Variants in COL11A1 observed in about 807,000 individuals in gnomAD.
The protein encoded by COL11A1 is collagen type XI alpha 1 chain.
COL11A1 carries 74 observed loss-of-function variants against 265.2 expected under a neutral mutation model. The ratio of observed to expected loss-of-function variants is 0.28; its 90% CI spans 0.23 to 0.34. The LOEUF is 0.34. COL11A1 is among the 10% of genes least tolerant of loss of function. COL11A1 has a pLI of 1.00. For synonymous variants in COL11A1, 816 were observed against 727.6 expected, an observed-to-expected ratio of 1.12 and a Z score of -1.96; for missense variants, 2,165 against 2,263.6, an observed-to-expected ratio of 0.96 and a Z score of 0.88.
chr1:103,003,240 C>A lies in COL11A1; in HGVS notation c.1973G>T (p.Gly658Val), dbSNP rs1201613198. The change falls in exon 21 of 67, where the codon GGA (glycine) becomes GTA (valine). Residue 658 changes from glycine (G) to valine (V), a missense_variant. Physicochemically the swap from Gly to Val is moderately radical, Grantham distance 109 (BLOSUM62 -3). Transcript: ENST00000370096. ...AGGCTGCCCTGGAGCTCCTGGAGTT[C>A]CCCTTGGACCCAGCAAACCTCGTGG... ...AGPRGLLGPR[G>V]TPGAPGQPGM... 6.2e-7 allele frequency: 1 copy of A among 1,613,564 alleles called. No homozygotes were observed. The highest frequency in any genetic ancestry group is 1.1e-5 in the South Asian group (1 of 91,018).
At chr1:103,046,542 C>T (rs1167900899) in intron 4 of COL11A1, among the ~76,000 whole-genome samples, 1 of 150,730 alleles carries the variant, frequency 6.6e-6, no homozygotes, top group Non-Finnish European at 1.5e-5. Flanking sequence ...AAATTTTCTC[C>T]CATTCTGTAG....
At chr1:102,971,107 A>T (rs1036121462) in intron 36 of COL11A1, among the ~76,000 whole-genome samples, 1 of 152,170 alleles carries the variant, frequency 6.6e-6, no homozygotes, top group African/African-American at 2.4e-5. Flanking sequence ...AAGTAAAGGA[A>T]ACAATACGTT....
intron 24 of COL11A1, chr1:103,001,711 G>A: frequency 1.7e-6 from 1 of 599,610 alleles, no homozygotes; most frequent in South Asian, 2.3e-5. Context: ...TTTGGAAGCT[G>A]TTTAAATGGT....
chr1:102,975,714 A>T (rs1662402128), intron 35 of COL11A1, among the ~76,000 whole-genome samples: 1 of 152,188 alleles, frequency 6.6e-6, no homozygotes, highest in South Asian at 2.1e-4. Flanking sequence ...TTTATGAAAG[A>T]TAACATAAGT....
chr1:103,051,974 T>C (rs12064766), intron 4 of COL11A1, among the ~76,000 whole-genome samples: 9,338 of 152,224 alleles, frequency 0.061, 313 homozygotes, highest in Non-Finnish European at 0.077. Flanking sequence ...ATTTAAACAG[T>C]TTGTATATGT....
At chr1:103,026,462 A>C (rs548659290) in intron 5 of COL11A1, 130 bp from the exon 6 acceptor site, 1 of 701,608 alleles carries the variant, frequency 1.4e-6, no homozygotes, top group African/African-American at 1.8e-5. Flanking sequence ...TTGATGAGTT[A>C]TTTTTGTATT....
chr1:102,979,744 G>T (rs534041570), intron 31 of COL11A1: 52 of 383,948 alleles, frequency 1.4e-4, no homozygotes, highest in Admixed American at 2.0e-4. Flanking sequence ...AAAATGTATT[G>T]CAATGTAAAA....
chr1:102,939,022 G>A lies in COL11A1; in HGVS notation c.3438+13C>T. The A allele has an allele frequency of 6.2e-7, 1 of 1,611,202 alleles. No homozygotes were observed. Among genetic ancestry groups the A allele is most frequent in the Non-Finnish European group, 8.5e-7 (1 of 1,177,552 alleles). ...ATAAATAATGTTCTCTCAGTAAGAA[G>A]TAGGAAACTCACATTTTCTCCCTTG... On this transcript the variant is annotated intron_variant, in intron 44 of 66. Coordinates refer to ENST00000370096, the MANE Select transcript of COL11A1 (RefSeq NM_001854.4).
chr1:103,023,013 C>T lies in COL11A1; in HGVS notation c.991-17G>A, dbSNP rs778542982. 1.9e-6 allele frequency: 3 copies of T among 1,607,718 alleles called. No individual in the cohort carries two copies. Among genetic ancestry groups the T allele is most frequent in the South Asian group, 2.2e-5 (2 of 90,960 alleles). ...TGGATTTGGCTATTAATTTAAATTG[C>T]AAGGAATTGAGGAACATGAAGTTTA... On this transcript the variant is annotated splice_polypyrimidine_tract_variant and intron_variant, in intron 7 of 66. Transcript: ENST00000370096.
At chr1:103,048,966 G>A (rs965488744) in intron 4 of COL11A1, among the ~76,000 whole-genome samples, 1 of 152,188 alleles carries the variant, frequency 6.6e-6, no homozygotes, top group Admixed American at 6.5e-5. Flanking sequence ...CTGAGAGACA[G>A]TTTGGTATAA....
At chr1:102,957,189 A>G (rs979067328) in intron 41 of COL11A1, among the ~76,000 whole-genome samples, 109 of 152,184 alleles carry the variant, frequency 7.2e-4, no homozygotes, top group Middle Eastern at 3.4e-3. Context: ...GACTAAATGG[A>G]TTATAAATAA....
chr1:102,914,851 G>C (rs372732988), intron 50 of COL11A1, 40 bp from the exon 51 acceptor site: 1 of 1,475,024 alleles, frequency 6.8e-7, no homozygotes, highest in African/African-American at 1.4e-5. Flanking sequence ...AAGAAGGAAA[G>C]AAGAGTTATC....
intron 38 of COL11A1, among the ~76,000 whole-genome samples, chr1:102,964,765 T>C (rs1308024588): frequency 6.6e-6 from 1 of 152,166 alleles, no homozygotes; most frequent in Non-Finnish European, 1.5e-5. Context: ...TTTGTTATAA[T>C]TTGGTATTAG....
Position 102,937,187 on chromosome 1 carries a change from A to G in COL11A1, c.3438+1848T>C, listed in dbSNP as rs994314952. Among the ~76,000 whole-genome samples the G allele has an allele frequency of 1.3e-4, 20 of 152,274 alleles. No individual in the cohort carries two copies. The East Asian group carries it at 3.9e-3, about 29-fold the overall frequency. ...TTTCATTCATATGATAGTAACCCACATAGACAAAAGCTTTTTGGGCTCCTA... is the reference window on the plus strand; with the variant it reads ...TTTCATTCATATGATAGTAACCCACGTAGACAAAAGCTTTTTGGGCTCCTA... On this transcript the variant is annotated intron_variant, in intron 44 of 66. Coordinates refer to ENST00000370096, the MANE Select transcript of COL11A1 (RefSeq NM_001854.4).
chr1:103,099,150 TA>T (rs1674029609), intron 1 of COL11A1, among the ~76,000 whole-genome samples: 2 of 151,722 alleles, frequency 1.3e-5, no homozygotes, highest in Non-Finnish European at 3.0e-5. Context: ...CTAGATGAAA[TA>T]AATCAGATAA....
chr1:102,996,068 A>G lies in COL11A1; in HGVS notation c.2242-26T>C, dbSNP rs758992432. ...CTGAAATAGATGAATTACCACTTAT[A>G]CGTGTAATAAATTGAAAGTGCTACT... On this transcript the variant is annotated intron_variant, in intron 26 of 66. Transcript: ENST00000370096. 2.5e-6 allele frequency: 4 copies of G among 1,607,970 alleles called. No homozygotes were observed. In the East Asian group the frequency reaches 8.9e-5, roughly 36 times the overall value.
chr1:103,047,823 A>T (rs1015827096), intron 4 of COL11A1, among the ~76,000 whole-genome samples: 1 of 152,140 alleles, frequency 6.6e-6, no homozygotes, highest in African/African-American at 2.4e-5. Context: ...GGGTTGTTGA[A>T]TTTTGTCAAA....
intron 1 of COL11A1, among the ~76,000 whole-genome samples, chr1:103,103,831 C>T (rs1674486316): frequency 6.6e-6 from 1 of 151,942 alleles, no homozygotes; most frequent in Admixed American, 6.6e-5. Context: ...CTAAAAGGTA[C>T]TTACATTAGT....
At chr1:102,913,537 A>G (rs1015095037) in intron 53 of COL11A1, 100 bp downstream of exon 53, 2 of 1,156,680 alleles carry the variant, frequency 1.7e-6, no homozygotes, top group Admixed American at 3.4e-5. Context: ...GTGCATATAC[A>G]TAGAGCTATG....
Sources: gnomAD v4.1 joint callset for allele counts (sites outside exome capture counted in the v4.1 genomes callset) on GRCh38, gnomAD v4.1.1 for gene constraint, MANE v1.5 for transcripts, NCBI Gene and HGNC (gene_info 2026-07-23, HGNC 2026-07-21) for gene names.